NPAS2: variants seen among roughly 807,000 people sequenced by gnomAD.
The protein encoded by NPAS2 is neuronal PAS domain-containing protein 2.
Under a neutral mutation model 107.5 loss-of-function variants are expected in NPAS2, and 23 were observed. The observed-to-expected ratio is 0.21, with a 90% CI of 0.15 to 0.30. The LOEUF is 0.30. Among genes scored for constraint, NPAS2 ranks in the 10% least tolerant of loss-of-function variants. NPAS2 has a pLI of 1.00. For missense variants in NPAS2, 756 were observed against 1,043.3 expected, an observed-to-expected ratio of 0.72 and a Z score of 3.79; for synonymous variants, 403 against 417.5, an observed-to-expected ratio of 0.97 and a Z score of 0.42.
intron 8 of NPAS2, among the ~76,000 whole-genome samples, 169 bp downstream of exon 8, chr2:100,964,345 C>T (rs1266659164): frequency 6.6e-6 from 1 of 152,212 alleles, no homozygotes; most frequent in Non-Finnish European, 1.5e-5. Flanking sequence ...CTTTCCCCTG[C>T]CCCGTTTCCT....
intron 1 of NPAS2, among the ~76,000 whole-genome samples, chr2:100,897,114 A>T (rs975529376): frequency 6.6e-6 from 1 of 152,012 alleles, no homozygotes; most frequent in African/African-American, 2.4e-5. Flanking sequence ...AAACCATCAG[A>T]TCTCATGAGC....
intron 1 of NPAS2, among the ~76,000 whole-genome samples, chr2:100,865,859 A>G (rs1679217015): frequency 2.6e-5 from 4 of 152,172 alleles, no homozygotes; most frequent in Admixed American, 1.3e-4. Context: ...AGTACTATAG[A>G]TGGAAACCTT....
rs866192071 is a variant in NPAS2, at chr2:100,873,317, C to T, written c.-22-31416C>T. 2.9e-3 allele frequency among the ~76,000 whole-genome samples: 353 copies of T among 121,172 alleles called. 1 individual carries two copies. Among genetic ancestry groups the T allele is most frequent in the African/African-American group, 0.013 (343 of 26,534 alleles). 79.5% of individuals were successfully genotyped at this position (121,172 alleles called of 152,430 possible). A position where few individuals can be genotyped will look rare whatever the true frequency, so the allele number is the denominator to read the frequency against. On this transcript the variant is annotated intron_variant, in intron 1 of 20. Coordinates refer to ENST00000335681, the MANE Select transcript of NPAS2 (RefSeq NM_002518.4). ...ATATATATATATATATACACACACA[C>T]ACACACACACACACACACACACACA...
intron 5 of NPAS2, 44 bp downstream of exon 5, chr2:100,937,886 G>A (rs756602025): frequency 7.1e-7 from 1 of 1,404,066 alleles, no homozygotes; most frequent in South Asian, 1.2e-5. Flanking sequence ...ACGTTACCAT[G>A]TTTCTGTTGA....
chr2:100,933,063 G>A (rs1000812141), intron 4 of NPAS2, 62 bp downstream of exon 4: 8 of 1,248,236 alleles, frequency 6.4e-6, no homozygotes, highest in African/African-American at 1.5e-5. Flanking sequence ...ACTTGTTGCA[G>A]ATAAGTCCCT....
At chr2:100,954,473 T>G (rs1439273808) in intron 7 of NPAS2, among the ~76,000 whole-genome samples, 1 of 152,156 alleles carries the variant, frequency 6.6e-6, no homozygotes, top group African/African-American at 2.4e-5. Context: ...GAGACCAGCC[T>G]GGCCAACATG....
chr2:100,953,940 A>C (rs1171436523), intron 7 of NPAS2, among the ~76,000 whole-genome samples: 1 of 152,216 alleles, frequency 6.6e-6, no homozygotes, highest in African/African-American at 2.4e-5. Context: ...AGTCATGGAA[A>C]TGACTGTCAT....
At chr2:100,886,715 G>C (rs1467701827) in intron 1 of NPAS2, among the ~76,000 whole-genome samples, 2 of 152,168 alleles carry the variant, frequency 1.3e-5, no homozygotes, top group Non-Finnish European at 2.9e-5. Context: ...GAGAGTCCTT[G>C]CCTCTCTTCA....
chr2:100,834,328 CTG>C (rs537534196), intron 1 of NPAS2, among the ~76,000 whole-genome samples: 51 of 152,304 alleles, frequency 3.3e-4, no homozygotes, highest in African/African-American at 1.2e-3. Context: ...CCTTATCTCT[CTG>C]TGTGCTCTCC....
At chr2:100,907,522 A>ACC (rs1553453465) in intron 2 of NPAS2, among the ~76,000 whole-genome samples, 1,540 of 149,622 alleles carry the variant, frequency 0.01, 14 homozygotes, top group African/African-American at 0.029. Flanking sequence ...ACACACACAC[A>ACC]CCCCTAAGAT....
chr2:100,820,919 TG>T lies in NPAS2; in HGVS notation c.-23+508del. ...GGTCGGAATTGGTTCCGGGCCGGAT[TG>T]GGTGCGGAATCGGTGCCCCCAACCC... On this transcript the variant is annotated intron_variant, in intron 1 of 20. Coordinates refer to ENST00000335681, the MANE Select transcript of NPAS2 (RefSeq NM_002518.4). This position sits in a 1 kb window ranked among gnomAD's most constrained non-coding sequence, Gnocchi z 5.6. The T allele has an allele frequency of 1.5e-6, 1 of 653,336 alleles. No homozygotes were observed. The highest frequency in any genetic ancestry group is 7.3e-5 in the East Asian group (1 of 13,784). 40.5% of individuals were successfully genotyped at this position (653,336 alleles called of 1,614,324 possible).
intron 1 of NPAS2, among the ~76,000 whole-genome samples, chr2:100,837,572 C>G (rs1268997650): frequency 6.6e-6 from 1 of 152,120 alleles, no homozygotes; most frequent in African/African-American, 2.4e-5. Context: ...CTTGGCCTCC[C>G]AAAATGCTGC....
chr2:100,848,170 C>T (rs934136935), intron 1 of NPAS2, among the ~76,000 whole-genome samples: 14 of 152,068 alleles, frequency 9.2e-5, no homozygotes, highest in East Asian at 1.9e-4. Context: ...CTGGGAGATT[C>T]GACTGGACTC....
At chr2:100,972,765 C>T (rs1214921202) in intron 12 of NPAS2, 2 of 152,238 alleles carry the variant, frequency 1.3e-5, no homozygotes, top group African/African-American at 2.4e-5. Context: ...TACATCATCG[C>T]TGAAGAACAG....
intron 12 of NPAS2, 88 bp downstream of exon 12, chr2:100,971,162 C>G (rs1021492097): frequency 6.3e-6 from 8 of 1,277,664 alleles, no homozygotes; most frequent in Non-Finnish European, 6.8e-6. Context: ...GGTTTCTTTT[C>G]ATCAATGGAA....
intron 2 of NPAS2, among the ~76,000 whole-genome samples, chr2:100,911,363 T>TGA (rs1682536750): frequency 6.6e-6 from 1 of 152,224 alleles, no homozygotes; most frequent in African/African-American, 2.4e-5. Context: ...ATACATTTTC[T>TGA]TATATATAAA....
Position 100,924,388 on chromosome 2 carries a change from C to G in NPAS2, c.33-758C>G, listed in dbSNP as rs558235661. Among the ~76,000 whole-genome samples, 10 of 152,350 alleles carry G rather than the reference C, an allele frequency of 6.6e-5. No homozygotes were observed. The East Asian group carries it at 1.7e-3, about 26-fold the overall frequency. ...TGCCCTAAAAATCCTCTGTTCATCC[C>G]TCCTAACCCCTAGCAACCACTGATC... is the stretch of plus-strand genomic sequence containing the variant. On this transcript the variant is annotated intron_variant, in intron 2 of 20. Coordinates refer to ENST00000335681, the MANE Select transcript of NPAS2 (RefSeq NM_002518.4).
intron 1 of NPAS2, among the ~76,000 whole-genome samples, chr2:100,854,446 A>G (rs1442355351): frequency 6.6e-6 from 1 of 152,164 alleles, no homozygotes; most frequent in African/African-American, 2.4e-5. Flanking sequence ...TTGCCTTTTC[A>G]TGACCCCATC....
intron 1 of NPAS2, among the ~76,000 whole-genome samples, chr2:100,857,099 A>G (rs1209492838): frequency 6.6e-6 from 1 of 152,138 alleles, no homozygotes; most frequent in African/African-American, 2.4e-5. Flanking sequence ...TGAGGGCAGG[A>G]GTTCGAGACC....
Sources: allele counts gnomAD v4.1 joint callset (sites outside exome capture counted in the v4.1 genomes callset), GRCh38; gene constraint gnomAD v4.1.1; non-coding constraint Gnocchi (gnomAD v3.1); transcripts MANE v1.5; gene names NCBI Gene and HGNC (gene_info 2026-07-23, HGNC 2026-07-21).